GABBR2: variants seen among roughly 807,000 people sequenced by gnomAD.
GABBR2 encodes G-protein coupled receptor 51.
GABBR2 carries 23 observed loss-of-function variants against 105.6 expected under a neutral mutation model. That is an observed-to-expected ratio of 0.22 (90% CI 0.16 to 0.31). The LOEUF is 0.31. GABBR2 is among the 10% of genes least tolerant of loss of function. The pLI, the probability that GABBR2 is intolerant of heterozygous loss-of-function variation, is 1.00. For synonymous variants in GABBR2, 478 were observed against 499.7 expected, an observed-to-expected ratio of 0.96 and a Z score of 0.58; for missense variants, 734 against 1,245.5, an observed-to-expected ratio of 0.59 and a Z score of 6.18.
At chr9:98,339,234 A>T (rs1831167678) in intron 13 of GABBR2, among the ~76,000 whole-genome samples, 1 of 151,776 alleles carries the variant, frequency 6.6e-6, no homozygotes, top group Admixed American at 6.6e-5. Context: ...GCTAAAAACC[A>T]CTAGGGTATA....
chr9:98,636,818 A>AG (rs1429191796), intron 1 of GABBR2, among the ~76,000 whole-genome samples: 1 of 152,130 alleles, frequency 6.6e-6, no homozygotes, highest in Non-Finnish European at 1.5e-5. Flanking sequence ...TGGGAAGCAA[A>AG]GCATCTCAGA....
chr9:98,423,317 T>C (rs901222188), intron 7 of GABBR2, among the ~76,000 whole-genome samples: 19 of 152,238 alleles, frequency 1.2e-4, no homozygotes, highest in Admixed American at 9.2e-4. Flanking sequence ...TGGTGTGAGA[T>C]GGTATCTCAT....
rs117258654 is a variant in GABBR2, at chr9:98,699,089, A to T, written c.321+9328T>A. Among the ~76,000 whole-genome samples, 377 of 152,208 alleles carry T rather than the reference A, an allele frequency of 2.5e-3. 7 individuals are homozygous for T. The East Asian group carries it at 0.037, about 15-fold the overall frequency. On this transcript the variant is annotated intron_variant, in intron 1 of 18. Transcript: ENST00000259455. ...CAATTTCTGCCAGGACCAGAGCCCAATCTAGCCTCCTTTGGCTCTCGTGCT... is the reference window on the plus strand; with the variant it reads ...CAATTTCTGCCAGGACCAGAGCCCATTCTAGCCTCCTTTGGCTCTCGTGCT...
intron 3 of GABBR2, among the ~76,000 whole-genome samples, chr9:98,533,950 T>C (rs1297241060): frequency 4.0e-5 from 6 of 149,408 alleles, no homozygotes; most frequent in Non-Finnish European, 8.9e-5. Flanking sequence ...CAGGAGAGGA[T>C]GATGATTCTA....
intron 14 of GABBR2, among the ~76,000 whole-genome samples, chr9:98,309,947 G>A (rs1465934237): frequency 6.6e-6 from 1 of 152,194 alleles, no homozygotes; most frequent in Non-Finnish European, 1.5e-5. Context: ...GCAGCAGCAG[G>A]TAAGAATGCA....
At chr9:98,332,629 G>A (rs1474358135) in intron 13 of GABBR2, among the ~76,000 whole-genome samples, 1 of 152,224 alleles carries the variant, frequency 6.6e-6, no homozygotes, top group Non-Finnish European at 1.5e-5. Flanking sequence ...GCCTGGGCTG[G>A]TGACTGCATT....
intron 1 of GABBR2, among the ~76,000 whole-genome samples, chr9:98,703,546 G>A (rs1830858378): frequency 6.6e-6 from 1 of 152,130 alleles, no homozygotes; most frequent in Non-Finnish European, 1.5e-5. Context: ...AGGCTAGAGT[G>A]CAGCAGCACA....
chr9:98,447,632 C>T (rs564605658), intron 7 of GABBR2, among the ~76,000 whole-genome samples: 10 of 151,470 alleles, frequency 6.6e-5, no homozygotes, highest in Non-Finnish European at 1.3e-4. Context: ...CACAGTAGGG[C>T]GAGGCAACAG....
chr9:98,578,786 A>G lies in GABBR2; in HGVS notation c.322-714T>C, dbSNP rs571481145. Among the ~76,000 whole-genome samples the G allele has an allele frequency of 3.3e-5, 5 of 152,330 alleles. No homozygotes were observed. The East Asian group carries it at 9.6e-4, about 29-fold the overall frequency. On this transcript the variant is annotated intron_variant, in intron 1 of 18. Coordinates refer to ENST00000259455, the MANE Select transcript of GABBR2 (RefSeq NM_005458.8). ...TGGAATATTTCCAGCCTGGAAAAGG[A>G]AGGAAATTCGGACACACGCTACAAC...
At chr9:98,582,437 C>T (rs1829015790) in intron 1 of GABBR2, among the ~76,000 whole-genome samples, 1 of 152,116 alleles carries the variant, frequency 6.6e-6, no homozygotes, top group Admixed American at 6.5e-5. Flanking sequence ...CGAACCCAGC[C>T]CAGATGACAC....
At chr9:98,305,048 C>T (rs1278146160) in intron 15 of GABBR2, among the ~76,000 whole-genome samples, 1 of 152,108 alleles carries the variant, frequency 6.6e-6, no homozygotes, top group Non-Finnish European at 1.5e-5. Context: ...GCTGGGATTA[C>T]AGGCACGAGC....
At chr9:98,318,819 T>G (rs1830766820) in intron 13 of GABBR2, among the ~76,000 whole-genome samples, 1 of 152,136 alleles carries the variant, frequency 6.6e-6, no homozygotes, top group Non-Finnish European at 1.5e-5. Context: ...CAAAGTTGAT[T>G]TTTAAAGTAT....
chr9:98,527,418 G>A (rs1003402081), intron 3 of GABBR2, among the ~76,000 whole-genome samples: 2 of 151,996 alleles, frequency 1.3e-5, no homozygotes, highest in African/African-American at 4.8e-5. Context: ...TAGAAAGCAA[G>A]TTTATTCTTG....
chr9:98,477,559 T>C lies in GABBR2; in HGVS notation c.798+3373A>G, dbSNP rs1930414. On this transcript the variant is annotated intron_variant, in intron 5 of 18. Coordinates refer to ENST00000259455, the MANE Select transcript of GABBR2 (RefSeq NM_005458.8). ...CCATTTTCTCTGCATCTGGTAGAAA[T>C]GTGGTCTTAGGACCTATGACTGACA... 2.0e-5 allele frequency among the ~76,000 whole-genome samples: 3 copies of C among 152,232 alleles called. No homozygotes were observed. The South Asian group carries it at 6.2e-4, about 32-fold the overall frequency.
At chr9:98,458,435 G>A (rs1826363570) in intron 6 of GABBR2, among the ~76,000 whole-genome samples, 1 of 152,214 alleles carries the variant, frequency 6.6e-6, no homozygotes, top group Admixed American at 6.5e-5. Context: ...TGGGCACGGT[G>A]TCCCACGCCT....
At chr9:98,403,480 C>T (rs552454280) in intron 8 of GABBR2, among the ~76,000 whole-genome samples, 133 of 152,068 alleles carry the variant, frequency 8.7e-4, no homozygotes, top group Non-Finnish European at 1.6e-3. Context: ...CTGCCACTAG[C>T]CAGCTGTGTG....
At chr9:98,496,267 C>T in intron 4 of GABBR2, 146 bp downstream of exon 4, 1 of 640,048 alleles carries the variant, frequency 1.6e-6, no homozygotes, top group Non-Finnish European at 2.8e-6. Context: ...GAAGCCAATT[C>T]CTGGGAGCTT....
At chr9:98,660,454 C>T (rs1564144140) in intron 1 of GABBR2, among the ~76,000 whole-genome samples, 2 of 152,214 alleles carry the variant, frequency 1.3e-5, no homozygotes, top group Admixed American at 6.5e-5. Flanking sequence ...CAATTGATAG[C>T]TAGCACACAT....
At chr9:98,444,879 G>GCACACACACACA (rs34280193) in intron 7 of GABBR2, among the ~76,000 whole-genome samples, 2 of 150,930 alleles carry the variant, frequency 1.3e-5, no homozygotes, top group Admixed American at 6.6e-5. Context: ...GCGCGCGCGC[G>GCACACACACACA]CACACACACA....
Sources: gnomAD v4.1 joint callset for allele counts (sites outside exome capture counted in the v4.1 genomes callset) on GRCh38, gnomAD v4.1.1 for gene constraint, MANE v1.5 for transcripts, NCBI Gene and HGNC (gene_info 2026-07-23, HGNC 2026-07-21) for gene names.